The following PARP15 variants were observed in gnomAD, a reference collection of about 807,000 sequenced individuals.
The protein encoded by PARP15 is poly(ADP-ribose) polymerase family member 15.
PARP15 carries 50 observed loss-of-function variants against 62.1 expected under a neutral mutation model. The observed-to-expected ratio is 0.81, with a 90% CI of 0.64 to 1.02. The LOEUF (loss-of-function observed/expected upper bound fraction) is 1.02, where lower values mean the gene tolerates loss of function less well. Among genes scored for constraint, PARP15 ranks in the 50% least tolerant of loss-of-function variants. PARP15 has a pLI of 0.00. For missense variants in PARP15, 820 were observed against 826.5 expected (o/e 0.99, Z 0.10); for synonymous variants, 309 against 293.1 (o/e 1.05, Z -0.55).
intron 1 of PARP15, 48 bp from the exon 2 acceptor site, chr3:122,605,886 GAA>G: frequency 1.3e-6 from 2 of 1,538,394 alleles, no homozygotes; most frequent in Non-Finnish European, 1.8e-6. Context: ...TGGCCTAAGA[GAA>G]CTCTTGAAAT....
At chr3:122,613,402 A>G (rs1935716054) in intron 4 of PARP15, 134 bp downstream of exon 4, 1 of 751,062 alleles carries the variant, frequency 1.3e-6, no homozygotes, top group South Asian at 1.8e-5. Flanking sequence ...GGAGGTTGTC[A>G]TATGACTTAA....
intron 11 of PARP15, among the ~76,000 whole-genome samples, 158 bp from the exon 12 acceptor site, chr3:122,635,653 T>A (rs935846294): frequency 6.6e-6 from 1 of 152,148 alleles, no homozygotes; most frequent in African/African-American, 2.4e-5. Context: ...CCTTAAGCAA[T>A]CCTCTTGCCT....
chr3:122,592,565 T>G (rs1207612063), intron 1 of PARP15, among the ~76,000 whole-genome samples: 3 of 150,814 alleles, frequency 2.0e-5, no homozygotes, highest in Non-Finnish European at 4.4e-5. Context: ...GTAACAAACC[T>G]GCACATCCTG....
At chr3:122,630,550 G>A (rs758515866) in intron 9 of PARP15, among the ~76,000 whole-genome samples, 1 of 152,056 alleles carries the variant, frequency 6.6e-6, no homozygotes, top group Non-Finnish European at 1.5e-5. Context: ...ATAGTGGCAT[G>A]TGCCTGTAGT....
chr3:122,618,955 A>G (rs1385631070), intron 6 of PARP15, among the ~76,000 whole-genome samples: 1 of 152,244 alleles, frequency 6.6e-6, no homozygotes, highest in African/African-American at 2.4e-5. Context: ...CACAGCAAAG[A>G]CAGAGACCAG....
chr3:122,585,419 T>A (rs950770889), intron 1 of PARP15, among the ~76,000 whole-genome samples: 1 of 152,184 alleles, frequency 6.6e-6, no homozygotes, highest in Non-Finnish European at 1.5e-5. Flanking sequence ...TCTGATTGGA[T>A]CTTGCAAAGA....
At chr3:122,598,092 G>T (rs1934497032) in intron 1 of PARP15, among the ~76,000 whole-genome samples, 1 of 151,914 alleles carries the variant, frequency 6.6e-6, no homozygotes. Context: ...ATTTCATATT[G>T]CTGGTATAGT....
At position 122,580,001 on chromosome 3, in the gene PARP15, A is replaced by ATG. The variant is rs1553725417; in HGVS notation, c.186+2149_186+2150insGT. ...CTGAACAACAACAGCAACTATATGT[A>ATG]TATATATATATATATATATATATAT... On this transcript the variant is annotated intron_variant, in intron 1 of 11. Transcript: ENST00000464300. 7.8e-3 allele frequency among the ~76,000 whole-genome samples: 484 copies of ATG among 62,152 alleles called. 16 individuals carry two copies. The highest frequency in any genetic ancestry group is 0.02 in the African/African-American group (411 of 20,492). 40.8% of individuals were successfully genotyped at this position (62,152 alleles called of 152,430 possible). A position where few individuals can be genotyped will look rare whatever the true frequency, so the allele number is the denominator to read the frequency against.
chr3:122,616,555 C>T (rs969365812), intron 5 of PARP15, among the ~76,000 whole-genome samples: 3 of 152,084 alleles, frequency 2.0e-5, no homozygotes, highest in Non-Finnish European at 2.9e-5. Flanking sequence ...TGGTCTCGAA[C>T]TCCTAACCTC....
Position 122,621,550 on chromosome 3 carries a change from T to C in PARP15, c.1170T>C (p.Ser390=), listed in dbSNP as rs1369605369. 6.2e-7 allele frequency: 1 copy of C among 1,614,136 alleles called. No homozygotes were observed. ...GGKDVRKTVT[S]VLEECEQRKY... ...AAGATGTCAGGAAAACGGTCACCAG[T>C]GTTCTAGAAGAGTGTGAACAGAGGA... Residue 390 remains serine, a synonymous_variant, in exon 8 of 12, where the codon AGT becomes AGC. Transcript: ENST00000464300.
At chr3:122,599,445 A>G (rs1045445963) in intron 1 of PARP15, among the ~76,000 whole-genome samples, 1 of 151,100 alleles carries the variant, frequency 6.6e-6, no homozygotes, top group African/African-American at 2.4e-5. Flanking sequence ...AACAATGGCA[A>G]AGTTACTTTC....
chr3:122,633,172 G>A (rs1471551825), intron 10 of PARP15, among the ~76,000 whole-genome samples: 1 of 152,118 alleles, frequency 6.6e-6, no homozygotes, highest in Non-Finnish European at 1.5e-5. Context: ...CACATACCTG[G>A]CTCCCCGACT....
chr3:122,636,854 CATACCTGGCACG>C lies in PARP15; in HGVS notation c.*755_*766del, dbSNP rs544173809. 3.9e-5 allele frequency: 6 copies of C among 152,368 alleles called. No homozygotes were observed. The East Asian group carries it at 1.2e-3, about 29-fold the overall frequency. 9.4% of individuals were successfully genotyped at this position (152,368 alleles called of 1,614,324 possible). A position where few individuals can be genotyped will look rare whatever the true frequency, so the allele number is the denominator to read the frequency against. On this transcript the variant is annotated 3_prime_UTR_variant, in exon 12 of 12. Coordinates refer to ENST00000464300, the MANE Select transcript of PARP15 (RefSeq NM_001113523.3). ...GTCTATTTCCAAGGTGAATCACTCACATACCTGGCACGTTTCTGTCAGGTATTGGCAGTCCTC... is the reference window on the plus strand; with the variant it reads ...GTCTATTTCCAAGGTGAATCACTCACTTTCTGTCAGGTATTGGCAGTCCTC...
intron 1 of PARP15, among the ~76,000 whole-genome samples, chr3:122,589,173 G>A (rs1933677449): frequency 1.3e-5 from 2 of 152,106 alleles, no homozygotes; most frequent in African/African-American, 4.8e-5. Flanking sequence ...TCTTAGTAAG[G>A]GCTCTCTCAT....
rs1340173745 is a variant in PARP15 at position 122,610,601 on chromosome 3, T to C, written c.414T>C (p.Asp138=). 1.9e-6 allele frequency: 3 copies of C among 1,551,634 alleles called. No homozygotes were observed. In the African/African-American group the frequency reaches 4.1e-5, roughly 21 times the overall value. Residue 138 remains aspartate, a synonymous_variant, in exon 3 of 12, where the codon GAT becomes GAC. Coordinates refer to ENST00000464300, the MANE Select transcript of PARP15 (RefSeq NM_001113523.3). ...GTCCCATGCTCCAGAAAGAGTTAGA[T>C]GACAGAAGGCGGGAAACAGAGGAAA... ...KAGPMLQKEL[D]DRRRETEEKV...
At chr3:122,625,942 C>T (rs1009569674) in intron 8 of PARP15, among the ~76,000 whole-genome samples, 4 of 152,162 alleles carry the variant, frequency 2.6e-5, no homozygotes, top group Non-Finnish European at 4.4e-5. Flanking sequence ...ACTGCCAATG[C>T]CCATCAGCTA....
intron 6 of PARP15, among the ~76,000 whole-genome samples, chr3:122,618,113 T>C (rs978721561): frequency 2.6e-5 from 4 of 152,326 alleles, no homozygotes; most frequent in African/African-American, 9.6e-5. Context: ...TTAAATATTT[T>C]CTAAGTTGAA....
chr3:122,605,107 T>G lies in PARP15; in HGVS notation c.187-829T>G, dbSNP rs114377013. 8.7e-3 allele frequency among the ~76,000 whole-genome samples: 1,320 copies of G among 152,254 alleles called. 15 individuals carry two copies. The highest frequency in any genetic ancestry group is 0.031 in the African/African-American group (1,277 of 41,544). The stretch of plus-strand genomic sequence containing the variant: ...GGCGCATCATCAAATCAGCTCCCAC[T>G]TAATCCCACTGGGGAAACTCATAGT... On this transcript the variant is annotated intron_variant, in intron 1 of 11. Coordinates refer to ENST00000464300, the MANE Select transcript of PARP15 (RefSeq NM_001113523.3).
chr3:122,614,374 A>G lies in PARP15; in HGVS notation c.771+1106A>G, dbSNP rs375756672. Reference sequence around the variant, plus strand: ...AATTTTGTTTTTTAAGTTCTTAGTTATACTTACCCATTCTGGATGGAAGTG... The same window carrying G: ...AATTTTGTTTTTTAAGTTCTTAGTTGTACTTACCCATTCTGGATGGAAGTG... On this transcript the variant is annotated intron_variant, in intron 4 of 11. Transcript: ENST00000464300. 1.1e-4 allele frequency among the ~76,000 whole-genome samples: 16 copies of G among 152,288 alleles called. No individual in the cohort carries two copies. In the East Asian group the frequency reaches 2.3e-3, roughly 22 times the overall value.
Sources: gnomAD v4.1 joint callset for allele counts (sites outside exome capture counted in the v4.1 genomes callset) on GRCh38, gnomAD v4.1.1 for gene constraint, MANE v1.5 for transcripts, NCBI Gene and HGNC (gene_info 2026-07-23, HGNC 2026-07-21) for gene names.